ARID5B: variants seen among roughly 807,000 people sequenced by gnomAD.
The protein encoded by ARID5B is AT-rich interactive domain-containing protein 5B.
Under a neutral mutation model 97.2 loss-of-function variants are expected in ARID5B, and 13 were observed. That is an observed-to-expected ratio of 0.13 (90% CI 0.09 to 0.21). The LOEUF (loss-of-function observed/expected upper bound fraction) is 0.21, where lower values mean the gene tolerates loss of function less well. Among genes scored for constraint, ARID5B ranks in the 10% least tolerant of loss-of-function variants. ARID5B has a pLI of 1.00. For missense variants in ARID5B, 1,210 were observed against 1,465.3 expected, an observed-to-expected ratio of 0.83 and a Z score of 2.84; for synonymous variants, 556 against 570.3, an observed-to-expected ratio of 0.97 and a Z score of 0.36.
intron 3 of ARID5B, among the ~76,000 whole-genome samples, chr10:61,971,862 G>T (rs1838632529): frequency 6.6e-6 from 1 of 152,008 alleles, no homozygotes; most frequent in Admixed American, 6.6e-5. Flanking sequence ...TCATCTTCTT[G>T]CTCGTTGTGT....
chr10:61,925,759 T>A (rs1844093557), intron 2 of ARID5B, among the ~76,000 whole-genome samples: 1 of 152,166 alleles, frequency 6.6e-6, no homozygotes, highest in Non-Finnish European at 1.5e-5. Context: ...CCGACCAGGT[T>A]TTAGATTAGT....
chr10:62,085,642 T>C lies in ARID5B; in HGVS notation c.1200-60T>C. ...ATTGAGAAAAGAAAGTAAACCCCCA[T>C]AGCATTGATGCTACTGGAATTACTC... is the stretch of plus-strand genomic sequence containing the variant. On this transcript the variant is annotated intron_variant, in intron 8 of 9. Transcript: ENST00000279873. 3 of 1,376,674 alleles carry C rather than the reference T, an allele frequency of 2.2e-6. No homozygotes were observed. In the South Asian group the frequency reaches 3.9e-5, roughly 18 times the overall value. 85.3% of individuals were successfully genotyped at this position (1,376,674 alleles called of 1,614,324 possible).
intron 4 of ARID5B, among the ~76,000 whole-genome samples, chr10:62,011,148 A>G (rs543918240): frequency 2.3e-4 from 35 of 152,196 alleles, no homozygotes; most frequent in South Asian, 1.0e-3. Flanking sequence ...CTAGAAAGGC[A>G]AGTTCATAAC....
intron 3 of ARID5B, among the ~76,000 whole-genome samples, chr10:61,943,940 T>G (rs967268239): frequency 6.6e-6 from 1 of 152,214 alleles, no homozygotes; most frequent in Non-Finnish European, 1.5e-5. Flanking sequence ...TTTCTGCTTT[T>G]TAAAACTCTC....
intron 3 of ARID5B, among the ~76,000 whole-genome samples, chr10:61,976,317 C>CAA (rs2132839794): frequency 6.6e-6 from 1 of 152,300 alleles, no homozygotes; most frequent in Non-Finnish European, 1.5e-5. Context: ...GCAAAAACTG[C>CAA]AGTTACTTTT....
At chr10:61,972,497 G>A (rs1435593059) in intron 3 of ARID5B, among the ~76,000 whole-genome samples, 1 of 152,076 alleles carries the variant, frequency 6.6e-6, no homozygotes, top group Non-Finnish European at 1.5e-5. Flanking sequence ...CCAAAGTGCT[G>A]GGATTACAGC....
chr10:62,046,994 G>A (rs1373216085), intron 4 of ARID5B: 1 of 30,280 alleles, frequency 3.3e-5, no homozygotes, highest in Non-Finnish European at 6.6e-5. Context: ...GAGGCAATGT[G>A]TGTGTGTCTG....
At chr10:61,911,871 A>G (rs1382153939) in intron 2 of ARID5B, among the ~76,000 whole-genome samples, 1 of 152,086 alleles carries the variant, frequency 6.6e-6, no homozygotes, top group Non-Finnish European at 1.5e-5. Context: ...TTTTTTTAGC[A>G]TGAGCTGGAC....
At chr10:61,932,603 C>T (rs1458619792) in intron 2 of ARID5B, among the ~76,000 whole-genome samples, 4 of 151,848 alleles carry the variant, frequency 2.6e-5, no homozygotes, top group Non-Finnish European at 1.5e-5. Context: ...GATGCAGTTT[C>T]GCCATGTTGC....
At chr10:61,954,847 A>G (rs778150691) in intron 3 of ARID5B, among the ~76,000 whole-genome samples, 1 of 152,032 alleles carries the variant, frequency 6.6e-6, no homozygotes, top group Non-Finnish European at 1.5e-5. Flanking sequence ...TCTCTACTAA[A>G]TATATAAAAT....
At chr10:61,943,879 T>A (rs1034440910) in intron 3 of ARID5B, among the ~76,000 whole-genome samples, 18 of 152,120 alleles carry the variant, frequency 1.2e-4, no homozygotes, top group African/African-American at 4.3e-4. Flanking sequence ...TTTTTTTTTA[T>A]CCCCTTCCCC....
chr10:61,991,886 G>C lies in ARID5B; in HGVS notation c.503-8205G>C, dbSNP rs10994996. 7.9e-4 allele frequency among the ~76,000 whole-genome samples: 120 copies of C among 152,246 alleles called. 1 individual carries two copies. Among genetic ancestry groups the C allele is most frequent in the African/African-American group, 2.7e-3 (113 of 41,536 alleles). ...CTCTACTAAAAATACAAAAAAATTA[G>C]CTGGGTGTGGTGGCGCATACCTGTA... On this transcript the variant is annotated intron_variant, in intron 3 of 9. Coordinates refer to ENST00000279873, the MANE Select transcript of ARID5B (RefSeq NM_032199.3).
At chr10:62,006,836 G>T (rs1050061937) in intron 4 of ARID5B, among the ~76,000 whole-genome samples, 3 of 152,154 alleles carry the variant, frequency 2.0e-5, no homozygotes, top group African/African-American at 7.2e-5. Flanking sequence ...AACTTGAAAG[G>T]AGATTTAAAA....
intron 4 of ARID5B, among the ~76,000 whole-genome samples, chr10:62,041,122 G>T (rs1052345053): frequency 2.6e-5 from 4 of 152,014 alleles, no homozygotes; most frequent in African/African-American, 9.7e-5. Flanking sequence ...GCCTCTCCAC[G>T]CCCACTCCAG....
intron 3 of ARID5B, among the ~76,000 whole-genome samples, chr10:61,949,849 T>C (rs945811080): frequency 6.6e-6 from 1 of 152,230 alleles, no homozygotes; most frequent in Admixed American, 6.5e-5. Context: ...GCTGTGTACC[T>C]TGGATTGACT....
intron 2 of ARID5B, among the ~76,000 whole-genome samples, chr10:61,920,337 T>G (rs368614914): frequency 2.2e-3 from 336 of 151,852 alleles, no homozygotes; most frequent in Admixed American, 6.0e-3. Flanking sequence ...TTGTTTTTTT[T>G]TTTTTTTTTC....
intron 2 of ARID5B, among the ~76,000 whole-genome samples, chr10:61,921,119 A>G (rs1381225892): frequency 1.3e-5 from 2 of 152,196 alleles, no homozygotes; most frequent in Non-Finnish European, 2.9e-5. Context: ...ACTTTATTTT[A>G]TTGTCATACA....
At chr10:61,950,411 A>G (rs1446844195) in intron 3 of ARID5B, among the ~76,000 whole-genome samples, 1 of 152,234 alleles carries the variant, frequency 6.6e-6, no homozygotes, top group African/African-American at 2.4e-5. Flanking sequence ...GCTCACGCCT[A>G]TAACCCCAAC....
At chr10:61,915,508 G>A (rs1039228059) in intron 2 of ARID5B, among the ~76,000 whole-genome samples, 2 of 152,190 alleles carry the variant, frequency 1.3e-5, no homozygotes, top group South Asian at 4.1e-4. Context: ...TGTATGGTGA[G>A]CACTACCTCC....
Sources: gnomAD v4.1 joint callset for allele counts (sites outside exome capture counted in the v4.1 genomes callset) on GRCh38, gnomAD v4.1.1 for gene constraint, MANE v1.5 for transcripts, NCBI Gene and HGNC (gene_info 2026-07-23, HGNC 2026-07-21) for gene names.